The following KCNIP4 variants were observed in gnomAD, a reference collection of about 807,000 sequenced individuals.
The protein encoded by KCNIP4 is Kv channel-interacting protein 4.
KCNIP4 carries 12 observed loss-of-function variants against 34.0 expected under a neutral mutation model. The observed-to-expected ratio is 0.35, with a 90% CI of 0.23 to 0.57. The LOEUF (loss-of-function observed/expected upper bound fraction) is 0.57. Ranked by LOEUF, KCNIP4 falls within the 20% of genes least tolerant of loss-of-function variation. The pLI, the probability that KCNIP4 is intolerant of heterozygous loss-of-function variation, is 0.83. For missense variants in KCNIP4, 238 were observed against 311.7 expected, an observed-to-expected ratio of 0.76 and a Z score of 1.78; for synonymous variants, 124 against 102.2, an observed-to-expected ratio of 1.21 and a Z score of -1.29.
At chr4:21,920,770 G>T (rs1219597522) in intron 1 of KCNIP4, among the ~76,000 whole-genome samples, 1 of 152,102 alleles carries the variant, frequency 6.6e-6, no homozygotes, top group Non-Finnish European at 1.5e-5. Flanking sequence ...GATACCAAGG[G>T]ACAACTGTAT....
At chr4:21,625,944 G>C (rs1745293393) in intron 1 of KCNIP4, among the ~76,000 whole-genome samples, 1 of 152,070 alleles carries the variant, frequency 6.6e-6, no homozygotes, top group African/African-American at 2.4e-5. Flanking sequence ...AAAAGCCTTT[G>C]ACCCACAAAT....
chr4:21,772,000 C>T (rs1718827640), intron 1 of KCNIP4, among the ~76,000 whole-genome samples: 2 of 152,156 alleles, frequency 1.3e-5, no homozygotes, highest in South Asian at 4.2e-4. Context: ...TGTCTTGTGC[C>T]CACTTTCAAA....
chr4:21,834,404 G>T (rs1050287360), intron 1 of KCNIP4, among the ~76,000 whole-genome samples: 5 of 152,048 alleles, frequency 3.3e-5, no homozygotes, highest in Non-Finnish European at 5.9e-5. Context: ...GTCTGTTGTT[G>T]GTGTATAAGA....
chr4:21,626,766 G>A (rs1046116456), intron 1 of KCNIP4, among the ~76,000 whole-genome samples: 1 of 152,038 alleles, frequency 6.6e-6, no homozygotes, highest in Non-Finnish European at 1.5e-5. Flanking sequence ...AATAATGGGA[G>A]TCATATGGGT....
intron 1 of KCNIP4, among the ~76,000 whole-genome samples, chr4:21,038,417 A>G (rs1741653801): frequency 6.6e-6 from 1 of 152,142 alleles, no homozygotes; most frequent in African/African-American, 2.4e-5. Flanking sequence ...CAGATGCAGG[A>G]CAGTTTATGA....
intron 1 of KCNIP4, among the ~76,000 whole-genome samples, chr4:21,361,186 G>A (rs765989859): frequency 2.6e-5 from 4 of 152,046 alleles, no homozygotes; most frequent in Non-Finnish European, 5.9e-5. Flanking sequence ...ACAAGCACTG[G>A]AGTCAGTTGT....
At chr4:21,282,387 G>A (rs1033120326) in intron 1 of KCNIP4, among the ~76,000 whole-genome samples, 11 of 152,100 alleles carry the variant, frequency 7.2e-5, no homozygotes. Flanking sequence ...GTTCAGGACT[G>A]TGATCTCTTT....
chr4:20,902,673 C>T (rs1164397354), intron 1 of KCNIP4, among the ~76,000 whole-genome samples: 1 of 152,074 alleles, frequency 6.6e-6, no homozygotes, highest in Admixed American at 6.5e-5. Context: ...GTACCTGCCA[C>T]CACACCGGGC....
At chr4:21,896,195 AG>A (rs922825534) in intron 1 of KCNIP4, among the ~76,000 whole-genome samples, 1 of 152,160 alleles carries the variant, frequency 6.6e-6, no homozygotes, top group African/African-American at 2.4e-5. Flanking sequence ...AGGCACTTAA[AG>A]TTCAGATAAA....
intron 1 of KCNIP4, among the ~76,000 whole-genome samples, chr4:21,541,049 T>C (rs983326637): frequency 2.6e-5 from 4 of 151,948 alleles, no homozygotes; most frequent in African/African-American, 9.7e-5. Context: ...CGCATGCCTG[T>C]AATCCCAGCT....
intron 1 of KCNIP4, among the ~76,000 whole-genome samples, chr4:21,777,541 T>C (rs1719264428): frequency 6.6e-6 from 1 of 152,174 alleles, no homozygotes; most frequent in Non-Finnish European, 1.5e-5. Flanking sequence ...TAGGACACAA[T>C]GGTGAATAAC....
chr4:21,754,057 G>A (rs867458859), intron 1 of KCNIP4, among the ~76,000 whole-genome samples: 2 of 152,132 alleles, frequency 1.3e-5, no homozygotes, highest in Non-Finnish European at 2.9e-5. Context: ...TAGGGAGCTC[G>A]AATTCTAGTG....
chr4:20,872,767 T>C (rs1324473492), intron 2 of KCNIP4, among the ~76,000 whole-genome samples: 2 of 152,082 alleles, frequency 1.3e-5, no homozygotes, highest in African/African-American at 2.4e-5. Flanking sequence ...TGGCCCAAAT[T>C]AACAGTAACA....
chr4:21,274,787 A>C (rs929990303), intron 1 of KCNIP4, among the ~76,000 whole-genome samples: 1 of 152,208 alleles, frequency 6.6e-6, no homozygotes, highest in Admixed American at 6.5e-5. Context: ...AAGTTTACTC[A>C]GCTGTTTCTA....
chr4:20,899,492 G>C (rs772381680), intron 1 of KCNIP4, among the ~76,000 whole-genome samples: 2 of 152,146 alleles, frequency 1.3e-5, no homozygotes, highest in Non-Finnish European at 2.9e-5. Context: ...CAAGATGATA[G>C]ATGTTTTCTG....
chr4:20,868,656 C>G (rs1723109146), intron 2 of KCNIP4, among the ~76,000 whole-genome samples: 1 of 151,992 alleles, frequency 6.6e-6, no homozygotes, highest in South Asian at 2.1e-4. Context: ...TACTATGCAG[C>G]CATTAAAAAA....
rs540754248 is a variant in KCNIP4, at chr4:21,074,821, G to C, written c.62-192112C>G. On this transcript the variant is annotated intron_variant, in intron 1 of 8. Coordinates refer to ENST00000382152, the MANE Select transcript of KCNIP4 (RefSeq NM_025221.6). ...CACACTGCTTTAAATGTGTCCCAGA[G>C]ATACTGCTATGTTGTGTCTTTGTTC... is the stretch of plus-strand genomic sequence containing the variant. 4.5e-3 allele frequency among the ~76,000 whole-genome samples: 681 copies of C among 152,242 alleles called. 12 individuals are homozygous for C. Among genetic ancestry groups the C allele is most frequent in the Middle Eastern group, 0.014 (4 of 294 alleles).
intron 1 of KCNIP4, among the ~76,000 whole-genome samples, chr4:21,170,987 C>T (rs1002425013): frequency 4.6e-5 from 7 of 152,070 alleles, no homozygotes; most frequent in African/African-American, 1.4e-4. Context: ...CCTTAATATG[C>T]CAATTATACA....
chr4:21,501,465 A>C (rs1448247411), intron 1 of KCNIP4, among the ~76,000 whole-genome samples: 1 of 152,058 alleles, frequency 6.6e-6, no homozygotes, highest in Non-Finnish European at 1.5e-5. Flanking sequence ...CCATCTTCTC[A>C]TTCATGTTTA....
Sources: allele counts gnomAD v4.1 joint callset (sites outside exome capture counted in the v4.1 genomes callset), GRCh38; gene constraint gnomAD v4.1.1; transcripts MANE v1.5; gene names NCBI Gene and HGNC (gene_info 2026-07-23, HGNC 2026-07-21).